Variants in CABLES1 observed in about 807,000 individuals in gnomAD.
CABLES1 encodes CDK5 and ABL1 enzyme substrate 1.
In CABLES1, 36 loss-of-function variants were observed where a neutral mutation model predicts 57.8. The observed-to-expected ratio is 0.62, with a 90% CI of 0.48 to 0.82. The LOEUF is 0.82. Ranked by LOEUF, CABLES1 falls within the 40% of genes least tolerant of loss-of-function variation. CABLES1 has a pLI of 0.00. For synonymous variants in CABLES1, 374 were observed against 363.0 expected (o/e 1.03, Z -0.35); for missense variants, 767 against 836.6 (o/e 0.92, Z 1.03).
intron 4 of CABLES1, among the ~76,000 whole-genome samples, chr18:23,217,167 G>C (rs1164403964): frequency 1.3e-5 from 2 of 151,904 alleles, no homozygotes; most frequent in Non-Finnish European, 2.9e-5. Context: ...CTGCAGTCTC[G>C]AACTCCTACG....
chr18:23,142,068 TCTGGGTCCACCATTC>T (rs897313962), intron 1 of CABLES1, among the ~76,000 whole-genome samples: 3 of 151,950 alleles, frequency 2.0e-5, no homozygotes, highest in African/African-American at 7.3e-5. Context: ...TGCCACCCCT[TCTGGGTCCACCATTC>T]CACGTGTCTC....
chr18:23,218,928 A>G (rs2047464990), intron 4 of CABLES1, among the ~76,000 whole-genome samples: 1 of 152,232 alleles, frequency 6.6e-6, no homozygotes, highest in South Asian at 2.1e-4. Context: ...GAGGGTGGGC[A>G]GGGAGGCACT....
At chr18:23,254,313 T>A (rs1206476404) in intron 9 of CABLES1, among the ~76,000 whole-genome samples, 1 of 152,232 alleles carries the variant, frequency 6.6e-6, no homozygotes, top group Non-Finnish European at 1.5e-5. Context: ...GCTTCCTACT[T>A]CCTTAGCTGG....
At chr18:23,225,066 C>G (rs955618852) in intron 4 of CABLES1, among the ~76,000 whole-genome samples, 6 of 152,116 alleles carry the variant, frequency 3.9e-5, no homozygotes, top group Admixed American at 3.9e-4. Flanking sequence ...CGGGTTTCAC[C>G]ATGCTGCCCA....
At chr18:23,152,672 A>G (rs1971262886) in intron 1 of CABLES1, among the ~76,000 whole-genome samples, 1 of 151,330 alleles carries the variant, frequency 6.6e-6, no homozygotes, top group Non-Finnish European at 1.5e-5. Flanking sequence ...TTTGGTAGAG[A>G]TGGGGTTTCA....
At chr18:23,160,600 G>T (rs1420964405) in intron 1 of CABLES1, among the ~76,000 whole-genome samples, 1 of 152,172 alleles carries the variant, frequency 6.6e-6, no homozygotes, top group African/African-American at 2.4e-5. Context: ...GGTGATCGTG[G>T]TCATTCTCCC....
intron 1 of CABLES1, among the ~76,000 whole-genome samples, chr18:23,180,795 T>A (rs1312024278): frequency 6.6e-6 from 1 of 152,238 alleles, no homozygotes; most frequent in Non-Finnish European, 1.5e-5. Flanking sequence ...ACACCTTTTC[T>A]GCATGAGCTG....
chr18:23,142,479 A>G (rs1446839228), intron 1 of CABLES1, among the ~76,000 whole-genome samples: 2 of 152,182 alleles, frequency 1.3e-5, no homozygotes, highest in East Asian at 3.9e-4. Flanking sequence ...GTACTGTTGT[A>G]CATGTTGATA....
rs956777431 is a variant in CABLES1 at position 23,259,223 on chromosome 18, G to C, written c.*1856G>C. The C allele has an allele frequency of 3.9e-5, 6 of 152,140 alleles. No individual in the cohort carries two copies. Among genetic ancestry groups the C allele is most frequent in the African/African-American group, 1.2e-4 (5 of 41,410 alleles). 9.4% of individuals were successfully genotyped at this position (152,140 alleles called of 1,614,324 possible). On this transcript the variant is annotated 3_prime_UTR_variant, in exon 10 of 10. Transcript: ENST00000256925. Reference sequence around the variant, plus strand: ...CCACCTTCCTGGTCAGTGCCTACAGGGGGAGAGCCTTTCTGAGAAGCAGGT... The same window carrying C: ...CCACCTTCCTGGTCAGTGCCTACAGCGGGAGAGCCTTTCTGAGAAGCAGGT...
chr18:23,149,603 G>A (rs1706788594), intron 1 of CABLES1: 1 of 152,254 alleles, frequency 6.6e-6, no homozygotes, highest in Admixed American at 6.5e-5. Flanking sequence ...GGAAAAAAAA[G>A]CTAAACTCTA....
At chr18:23,206,041 C>A (rs1051825358) in intron 3 of CABLES1, among the ~76,000 whole-genome samples, 1 of 152,138 alleles carries the variant, frequency 6.6e-6, no homozygotes, top group African/African-American at 2.4e-5. Context: ...GGACTTCTGG[C>A]CCCCAGAACT....
intron 4 of CABLES1, among the ~76,000 whole-genome samples, chr18:23,217,641 A>C (rs2047451841): frequency 6.6e-6 from 1 of 152,240 alleles, no homozygotes; most frequent in African/African-American, 2.4e-5. Flanking sequence ...ACTAATTGGG[A>C]AACAACTATG....
At chr18:23,193,087 G>GT (rs2047256556) in intron 2 of CABLES1, among the ~76,000 whole-genome samples, 1 of 152,118 alleles carries the variant, frequency 6.6e-6, no homozygotes, top group African/African-American at 2.4e-5. Context: ...CTAGAGTTGG[G>GT]TGGGGGAGTG....
intron 9 of CABLES1, among the ~76,000 whole-genome samples, chr18:23,256,186 G>A (rs967456051): frequency 1.3e-5 from 2 of 152,216 alleles, no homozygotes; most frequent in Non-Finnish European, 2.9e-5. Flanking sequence ...GACAAAAGCT[G>A]GGTTGACGCC....
chr18:23,147,918 G>T (rs2046902674), intron 1 of CABLES1, among the ~76,000 whole-genome samples: 2 of 146,894 alleles, frequency 1.4e-5, no homozygotes, highest in African/African-American at 5.0e-5. Flanking sequence ...CCCAACTTTT[G>T]TCACTCGTTA....
chr18:23,202,600 T>G (rs1019393953), intron 3 of CABLES1, among the ~76,000 whole-genome samples: 1 of 152,190 alleles, frequency 6.6e-6, no homozygotes, highest in African/African-American at 2.4e-5. Context: ...AGATACACCC[T>G]TGAAGAAGAC....
chr18:23,201,709 C>T (rs540362413), intron 3 of CABLES1, among the ~76,000 whole-genome samples: 1 of 152,326 alleles, frequency 6.6e-6, no homozygotes, highest in South Asian at 2.1e-4. Context: ...TTTGCTGGCA[C>T]CTACTCTGTG....
At chr18:23,149,981 G>C (rs933597731) in intron 1 of CABLES1, 1 of 152,234 alleles carries the variant, frequency 6.6e-6, no homozygotes, top group Non-Finnish European at 1.5e-5. Flanking sequence ...TCCAGGTAAT[G>C]CAGGGTTGAG....
rs55888102 is a variant in CABLES1, at chr18:23,188,543, T to TTGTG, written c.846-275_846-272dup. On this transcript the variant is annotated intron_variant, in intron 1 of 9. Transcript: ENST00000256925. ...GTATATTACAAGAGGCACCTTGTCT[T>TTGTG]TGTGTGTGTGTGTGTGTGTGTGTCC... Among the ~76,000 whole-genome samples the TTGTG allele has an allele frequency of 4.1e-4, 61 of 149,058 alleles. 1 individual carries two copies. Among genetic ancestry groups the TTGTG allele is most frequent in the Admixed American group, 1.6e-3 (24 of 14,926 alleles).
Sources: gnomAD v4.1 joint callset for allele counts (sites outside exome capture counted in the v4.1 genomes callset) on GRCh38, gnomAD v4.1.1 for gene constraint, MANE v1.5 for transcripts, NCBI Gene and HGNC (gene_info 2026-07-23, HGNC 2026-07-21) for gene names.